RAB2A: variants seen among roughly 807,000 people sequenced by gnomAD.
RAB2A encodes RAB2A, member RAS oncogene family, also known as ras-related protein Rab-2A.
Under a neutral mutation model 32.5 loss-of-function variants are expected in RAB2A, and 7 were observed. The ratio of observed to expected loss-of-function variants is 0.22; its 90% CI spans 0.12 to 0.40. The LOEUF (loss-of-function observed/expected upper bound fraction) is 0.40, where lower values mean the gene tolerates loss of function less well. Among genes scored for constraint, RAB2A ranks in the 10% least tolerant of loss-of-function variants. The pLI, the probability that RAB2A is intolerant of heterozygous loss-of-function variation, is 1.00. For missense variants in RAB2A, 108 were observed against 260.7 expected, an observed-to-expected ratio of 0.41 and a Z score of 4.03; for synonymous variants, 79 against 85.2, an observed-to-expected ratio of 0.93 and a Z score of 0.40.
At chr8:60,526,188 G>T (rs901661443) in intron 1 of RAB2A, among the ~76,000 whole-genome samples, 1 of 151,946 alleles carries the variant, frequency 6.6e-6, no homozygotes, top group Non-Finnish European at 1.5e-5. Flanking sequence ...ACAGGACTGG[G>T]TTCCCTTCTA....
chr8:60,525,326 A>C (rs931684014), intron 1 of RAB2A, among the ~76,000 whole-genome samples: 1 of 152,164 alleles, frequency 6.6e-6, no homozygotes, highest in African/African-American at 2.4e-5. Flanking sequence ...TCCTGCCGCC[A>C]CGTAATATGT....
At chr8:60,576,256 C>T (rs751843983) in intron 3 of RAB2A, 8 of 456,180 alleles carry the variant, frequency 1.8e-5, no homozygotes, top group South Asian at 3.1e-5. Context: ...AAGAAACATA[C>T]GTTGCCCCTG....
At chr8:60,550,675 C>T (rs766606097) in intron 1 of RAB2A, among the ~76,000 whole-genome samples, 3 of 152,156 alleles carry the variant, frequency 2.0e-5, no homozygotes, top group Non-Finnish European at 4.4e-5. Flanking sequence ...TGAGCCACCA[C>T]ACCTGCCTTC....
chr8:60,592,112 C>T, intron 6 of RAB2A, 143 bp downstream of exon 6: 1 of 479,044 alleles, frequency 2.1e-6, no homozygotes, highest in Non-Finnish European at 3.8e-6. Flanking sequence ...TTTGAAATCC[C>T]TTGTAACATT....
intron 1 of RAB2A, among the ~76,000 whole-genome samples, chr8:60,554,898 T>C (rs924642473): frequency 3.3e-5 from 5 of 151,848 alleles, no homozygotes; most frequent in Non-Finnish European, 7.4e-5. Flanking sequence ...GCCACGGGAC[T>C]GGATTCGTCC....
chr8:60,584,657 A>G (rs1803819339), intron 4 of RAB2A, 66 bp from the exon 5 acceptor site: 33 of 1,318,516 alleles, frequency 2.5e-5, no homozygotes, highest in African/African-American at 1.5e-5. Flanking sequence ...AAAAATATGT[A>G]TATTGTTCGT....
intron 6 of RAB2A, 23 bp from the exon 7 acceptor site, chr8:60,618,557 G>T: frequency 8.7e-7 from 1 of 1,147,956 alleles, no homozygotes. Context: ...TATATAATAT[G>T]AACCAATTTC....
At chr8:60,535,874 C>G (rs2737441) in intron 1 of RAB2A, among the ~76,000 whole-genome samples, 1 of 152,166 alleles carries the variant, frequency 6.6e-6, no homozygotes, top group African/African-American at 2.4e-5. Flanking sequence ...ATTCTAAGTT[C>G]TAGATAGGAG....
intron 1 of RAB2A, among the ~76,000 whole-genome samples, chr8:60,541,993 C>T (rs568350409): frequency 6.6e-6 from 1 of 152,244 alleles, no homozygotes; most frequent in African/African-American, 2.4e-5. Flanking sequence ...AAATGTTCAT[C>T]TTTGAAAAAA....
At chr8:60,601,724 G>A (rs893518662) in intron 6 of RAB2A, among the ~76,000 whole-genome samples, 1 of 152,176 alleles carries the variant, frequency 6.6e-6, no homozygotes, top group Non-Finnish European at 1.5e-5. Context: ...GTCCTGGTTA[G>A]AAGAAAAACC....
chr8:60,564,335 A>G (rs1266482872), intron 2 of RAB2A, among the ~76,000 whole-genome samples: 2 of 152,184 alleles, frequency 1.3e-5, no homozygotes, highest in African/African-American at 4.8e-5. Flanking sequence ...GCCAGGGCCT[A>G]CTGAAGGACA....
At chr8:60,526,428 C>T (rs532423200) in intron 1 of RAB2A, among the ~76,000 whole-genome samples, 8 of 152,240 alleles carry the variant, frequency 5.3e-5, no homozygotes, top group African/African-American at 1.9e-4. Context: ...TGGGCCATCC[C>T]AAGTCTCTCT....
intron 1 of RAB2A, among the ~76,000 whole-genome samples, chr8:60,534,231 C>G (rs1347904448): frequency 6.6e-6 from 1 of 152,188 alleles, no homozygotes; most frequent in Non-Finnish European, 1.5e-5. Flanking sequence ...TATGCCAGTA[C>G]TATGTTGTGA....
At chr8:60,586,692 G>A (rs747528461) in intron 5 of RAB2A, among the ~76,000 whole-genome samples, 3 of 152,084 alleles carry the variant, frequency 2.0e-5, no homozygotes, top group Non-Finnish European at 4.4e-5. Context: ...CAAGGCAGGA[G>A]CATCACATGA....
At chr8:60,580,956 G>A (rs1008593298) in intron 3 of RAB2A, among the ~76,000 whole-genome samples, 2 of 152,148 alleles carry the variant, frequency 1.3e-5, no homozygotes, top group South Asian at 2.1e-4. Flanking sequence ...TCAGCCATGG[G>A]CAATATTAGA....
In RAB2A at chr8:60,591,861, T is replaced by C; in HGVS notation, c.366T>C (p.Asp122=). 1 of 1,595,828 alleles carries C rather than the reference T, an allele frequency of 6.3e-7. No individual in the cohort carries two copies. Among genetic ancestry groups the C allele is most frequent in the South Asian group, 1.1e-5 (1 of 90,578 alleles). ...MVIMLIGNKS[D]LESRREVKKE... ...ACCCTTTCTTTCCCATGTTTAGTGA[T>C]TTAGAATCTAGAAGAGAAGTAAAAA... Residue 122 remains aspartate, a synonymous_variant, in exon 6 of 8, where the codon GAT becomes GAC. Transcript: ENST00000262646.
chr8:60,531,995 G>T (rs1330257175), intron 1 of RAB2A, among the ~76,000 whole-genome samples: 6 of 152,064 alleles, frequency 3.9e-5, no homozygotes, highest in African/African-American at 1.4e-4. Context: ...AGTAGAGACA[G>T]GGTTTCACCA....
chr8:60,617,682 T>C (rs1277655843), intron 6 of RAB2A, among the ~76,000 whole-genome samples: 1 of 152,044 alleles, frequency 6.6e-6, no homozygotes. Context: ...GAGGCAGAGG[T>C]TGCAGTGAAC....
intron 1 of RAB2A, among the ~76,000 whole-genome samples, chr8:60,545,096 T>C (rs1303988997): frequency 6.6e-6 from 1 of 152,112 alleles, no homozygotes; most frequent in Non-Finnish European, 1.5e-5. Flanking sequence ...GTTGTAAAAA[T>C]AGAATCATCA....
Sources: allele counts gnomAD v4.1 joint callset (sites outside exome capture counted in the v4.1 genomes callset), GRCh38; gene constraint gnomAD v4.1.1; transcripts MANE v1.5; gene names NCBI Gene and HGNC (gene_info 2026-07-23, HGNC 2026-07-21).